ROBO2: variants seen among roughly 807,000 people sequenced by gnomAD.
ROBO2 encodes roundabout homolog 2.
ROBO2 carries 53 observed loss-of-function variants against 160.8 expected under a neutral mutation model. The observed-to-expected ratio is 0.33, with a 90% CI of 0.26 to 0.41. ROBO2 has a LOEUF of 0.41. ROBO2 is among the 10% of genes least tolerant of loss of function. The pLI is 1.00. For synonymous variants in ROBO2, 664 were observed against 611.7 expected, an observed-to-expected ratio of 1.09 and a Z score of -1.26; for missense variants, 1,577 against 1,722.4, an observed-to-expected ratio of 0.92 and a Z score of 1.49.
At chr3:77,232,734 G>A (rs1323072571) in intron 2 of ROBO2, among the ~76,000 whole-genome samples, 6 of 152,030 alleles carry the variant, frequency 3.9e-5, no homozygotes, top group Non-Finnish European at 8.8e-5. Context: ...GATGGTGATG[G>A]TCTAACTTGT....
chr3:77,623,091 A>C (rs1483960445), intron 23 of ROBO2, among the ~76,000 whole-genome samples: 2 of 152,242 alleles, frequency 1.3e-5, no homozygotes, highest in African/African-American at 4.8e-5. Flanking sequence ...ACTAAGGTAT[A>C]ACCTATTTTC....
intron 2 of ROBO2, among the ~76,000 whole-genome samples, chr3:76,108,725 A>G (rs2108218885): frequency 6.6e-6 from 1 of 151,538 alleles, no homozygotes; most frequent in African/African-American, 2.4e-5. Flanking sequence ...ATTGAACACA[A>G]ATTACTATGT....
chr3:75,999,740 A>G (rs557827499), intron 2 of ROBO2, among the ~76,000 whole-genome samples: 1 of 152,274 alleles, frequency 6.6e-6, no homozygotes, highest in South Asian at 2.1e-4. Flanking sequence ...AATGATCCTC[A>G]CAACATTATA....
chr3:76,290,204 G>C (rs1412541142), intron 2 of ROBO2, among the ~76,000 whole-genome samples: 1 of 151,846 alleles, frequency 6.6e-6, no homozygotes, highest in Non-Finnish European at 1.5e-5. Context: ...TCTTTTCACT[G>C]ATTTCTTTCA....
At chr3:76,080,201 A>G in intron 2 of ROBO2, among the ~76,000 whole-genome samples, 1 of 152,008 alleles carries the variant, frequency 6.6e-6, no homozygotes, top group East Asian at 1.9e-4. Context: ...TGACGAAAAC[A>G]CCCCTGCCTG....
rs147586980 is a variant in ROBO2 at position 76,284,389 on chromosome 3, C to T, written c.109+346787C>T. On this transcript the variant is annotated intron_variant, in intron 2 of 26. Coordinates refer to the ROBO2 transcript ENST00000487694. Reference sequence around the variant, plus strand: ...CGTTCCTTTAGAGTACAGAGCACTCCAGGGAGTGTGACTCCTATAAAAAAA... The same window carrying T: ...CGTTCCTTTAGAGTACAGAGCACTCTAGGGAGTGTGACTCCTATAAAAAAA... 5.0e-4 allele frequency among the ~76,000 whole-genome samples: 74 copies of T among 147,664 alleles called. 1 individual carries two copies. The East Asian group carries it at 0.011, about 22-fold the overall frequency.
intron 2 of ROBO2, among the ~76,000 whole-genome samples, chr3:76,451,538 G>A (rs1396823041): frequency 4.6e-5 from 7 of 152,036 alleles, no homozygotes; most frequent in African/African-American, 1.7e-4. Flanking sequence ...ATTTTGCTGG[G>A]CAAAAGCAAT....
chr3:77,410,925 T>A (rs181060807), intron 2 of ROBO2, among the ~76,000 whole-genome samples: 22 of 151,728 alleles, frequency 1.4e-4, no homozygotes, highest in Admixed American at 1.4e-3. Context: ...TGCCTCAACC[T>A]CCCGAGTAGC....
intron 2 of ROBO2, among the ~76,000 whole-genome samples, chr3:76,062,604 C>T (rs940876833): frequency 1.3e-5 from 2 of 152,110 alleles, no homozygotes; most frequent in African/African-American, 2.4e-5. Flanking sequence ...GGTTATAGGC[C>T]TGTGTTCTAG....
intron 2 of ROBO2, among the ~76,000 whole-genome samples, chr3:77,464,250 C>T (rs1009898547): frequency 6.6e-6 from 1 of 152,168 alleles, no homozygotes; most frequent in African/African-American, 2.4e-5. Flanking sequence ...TGACTAAGCC[C>T]ATTATCTTTA....
chr3:77,347,778 G>GT (rs1198261296), intron 2 of ROBO2, among the ~76,000 whole-genome samples: 2 of 152,060 alleles, frequency 1.3e-5, no homozygotes, highest in Non-Finnish European at 2.9e-5. Flanking sequence ...GCCTTGCATT[G>GT]TTTTTCTCCT....
At chr3:77,005,888 T>G (rs2061552538) in intron 2 of ROBO2, among the ~76,000 whole-genome samples, 1 of 152,216 alleles carries the variant, frequency 6.6e-6, no homozygotes, top group African/African-American at 2.4e-5. Flanking sequence ...CTCTTTGTCC[T>G]TCAAAGAATA....
chr3:77,645,942 T>A (rs766058426), intron 25 of ROBO2, 112 bp from the exon 28 acceptor site: 29 of 684,148 alleles, frequency 4.2e-5, no homozygotes, highest in Non-Finnish European at 6.5e-5. Context: ...AACTCATCTA[T>A]CTGAAGACCT....
At chr3:77,293,012 T>C (rs1405819911) in intron 2 of ROBO2, among the ~76,000 whole-genome samples, 1 of 150,788 alleles carries the variant, frequency 6.6e-6, no homozygotes, top group African/African-American at 2.4e-5. Context: ...AAGCTGAGGC[T>C]AGATCACCAA....
At chr3:76,882,712 A>T (rs557857604) in intron 2 of ROBO2, among the ~76,000 whole-genome samples, 1 of 151,954 alleles carries the variant, frequency 6.6e-6, no homozygotes, top group Non-Finnish European at 1.5e-5. Context: ...CGGGGAAAAC[A>T]TTTTTCCCAT....
intron 2 of ROBO2, among the ~76,000 whole-genome samples, chr3:76,133,842 G>T (rs1285749222): frequency 6.6e-6 from 1 of 151,964 alleles, no homozygotes; most frequent in Admixed American, 6.6e-5. Context: ...ATCGAGGGTG[G>T]ATCTGCCTTT....
chr3:76,945,766 TC>T (rs1017081037), intron 2 of ROBO2, among the ~76,000 whole-genome samples: 4 of 152,368 alleles, frequency 2.6e-5, no homozygotes, highest in African/African-American at 9.6e-5. Flanking sequence ...CTCTGCAAGT[TC>T]CATTTGGTCT....
At chr3:77,296,400 C>T (rs1486004612) in intron 2 of ROBO2, among the ~76,000 whole-genome samples, 2 of 152,056 alleles carry the variant, frequency 1.3e-5, no homozygotes, top group African/African-American at 4.8e-5. Flanking sequence ...TCACCAAAGA[C>T]ATAAAGTAAA....
intron 2 of ROBO2, among the ~76,000 whole-genome samples, chr3:76,238,372 G>A (rs754208749): frequency 3.9e-5 from 6 of 152,096 alleles, no homozygotes; most frequent in African/African-American, 9.7e-5. Flanking sequence ...AGTGAAGTGG[G>A]AAGAGCCACT....
Sources: gnomAD v4.1 joint callset for allele counts (sites outside exome capture counted in the v4.1 genomes callset) on GRCh38, gnomAD v4.1.1 for gene constraint, MANE v1.5 for transcripts, NCBI Gene and HGNC (gene_info 2026-07-23, HGNC 2026-07-21) for gene names.